Variants in MAN1C1 observed in about 807,000 individuals in gnomAD.
MAN1C1 encodes the protein mannosidase alpha class 1C member 1, also known as mannosyl-oligosaccharide 1,2-alpha-mannosidase IC.
In MAN1C1, 49 loss-of-function variants were observed where a neutral mutation model predicts 71.5. That is an observed-to-expected ratio of 0.69 (90% CI 0.54 to 0.87). The LOEUF (loss-of-function observed/expected upper bound fraction) is 0.87, where lower values mean the gene tolerates loss of function less well. Ranked by LOEUF, MAN1C1 falls within the 40% of genes least tolerant of loss-of-function variation. The probability of loss-of-function intolerance (pLI) is 0.00; values close to 1 mark genes in which losing one functional copy is unlikely to be tolerated. For synonymous variants in MAN1C1, 352 were observed against 343.7 expected (o/e 1.02, Z -0.27); for missense variants, 743 against 835.0 (o/e 0.89, Z 1.36).
At chr1:25,677,214 A>C (rs1325279865) in intron 1 of MAN1C1, among the ~76,000 whole-genome samples, 1 of 152,154 alleles carries the variant, frequency 6.6e-6, no homozygotes, top group East Asian at 1.9e-4. Flanking sequence ...AACTGAAGAG[A>C]TTTCTTGGGA....
chr1:25,638,281 A>C (rs759313391), intron 1 of MAN1C1, among the ~76,000 whole-genome samples: 1 of 152,182 alleles, frequency 6.6e-6, no homozygotes, highest in Non-Finnish European at 1.5e-5. Flanking sequence ...TTTCATGTAT[A>C]ATGTAAGCCC....
intron 1 of MAN1C1, among the ~76,000 whole-genome samples, chr1:25,678,926 C>G (rs2046106356): frequency 6.6e-6 from 1 of 152,022 alleles, no homozygotes; most frequent in Non-Finnish European, 1.5e-5. Context: ...TTCTCTTTTT[C>G]TGCTTTTCTT....
chr1:25,668,908 G>T (rs2982312), intron 1 of MAN1C1, among the ~76,000 whole-genome samples: 2 of 151,970 alleles, frequency 1.3e-5, no homozygotes, highest in Admixed American at 6.6e-5. Context: ...AAACCTGATG[G>T]TTTCCTCCTT....
chr1:25,777,381 C>T lies in MAN1C1; in HGVS notation c.1258-724C>T, dbSNP rs190539356. ...GAGCAGTCTGACCCCCTCACGCCCC[C>T]GACATCCCAGAGTCTTTACAACAGC... On this transcript the variant is annotated intron_variant, in intron 8 of 11. Coordinates refer to ENST00000374332, the MANE Select transcript of MAN1C1 (RefSeq NM_020379.4). Among the ~76,000 whole-genome samples, 6 of 152,230 alleles carry T rather than the reference C, an allele frequency of 3.9e-5. No individual in the cohort carries two copies. In the East Asian group the frequency reaches 5.8e-4, roughly 15 times the overall value.
intron 1 of MAN1C1, among the ~76,000 whole-genome samples, chr1:25,672,590 G>T (rs2046007437): frequency 6.6e-6 from 1 of 152,076 alleles, no homozygotes; most frequent in Non-Finnish European, 1.5e-5. Context: ...CTGCCTCTCT[G>T]TCCTACTTAT....
At chr1:25,618,648 C>T (rs972012906) in intron 1 of MAN1C1, among the ~76,000 whole-genome samples, 10 of 151,974 alleles carry the variant, frequency 6.6e-5, no homozygotes, top group African/African-American at 2.2e-4. Context: ...GCCCAGTGAG[C>T]TCCACTCCTT....
chr1:25,702,428 G>T (rs1050266507), intron 2 of MAN1C1, among the ~76,000 whole-genome samples: 34 of 152,226 alleles, frequency 2.2e-4, no homozygotes, highest in African/African-American at 7.7e-4. Context: ...GGTCGGGGCT[G>T]CAGCTCTTCC....
chr1:25,627,463 C>T (rs551479631), intron 1 of MAN1C1, among the ~76,000 whole-genome samples: 6 of 152,126 alleles, frequency 3.9e-5, no homozygotes, highest in East Asian at 1.9e-4. Context: ...TTAGTAGAGA[C>T]GGGGTTTTGC....
intron 1 of MAN1C1, among the ~76,000 whole-genome samples, chr1:25,624,998 ATTTTTTTTTT>A (rs1032269792): frequency 2.0e-5 from 2 of 101,590 alleles, no homozygotes; most frequent in African/African-American, 4.5e-5. Context: ...AAATGCACAG[ATTTTTTTTTT>A]TTTTTTTTTT....
At position 25,776,278 on chromosome 1, in the gene MAN1C1, T is replaced by C. The variant is rs1174371422; in HGVS notation, c.1258-1827T>C. Among the ~76,000 whole-genome samples, 1 of 152,132 alleles carries C rather than the reference T, an allele frequency of 6.6e-6. No homozygotes were observed. The highest frequency in any genetic ancestry group is 1.5e-5 in the Non-Finnish European group (1 of 68,010). On this transcript the variant is annotated intron_variant, in intron 8 of 11. Transcript: ENST00000374332. The surrounding 1 kb of genome is among the most constrained non-coding windows in gnomAD (Gnocchi z 4.3). ...ACAAATTGTACCTCTCAGCCAGTTGTGGTGGCTCACGCCTGTAATCCCAAC... is the reference window on the plus strand; with the variant it reads ...ACAAATTGTACCTCTCAGCCAGTTGCGGTGGCTCACGCCTGTAATCCCAAC...
chr1:25,690,049 G>C (rs970987656), intron 2 of MAN1C1, among the ~76,000 whole-genome samples: 1 of 152,180 alleles, frequency 6.6e-6, no homozygotes, highest in Admixed American at 6.5e-5. Flanking sequence ...CCCCCTCCCA[G>C]TCGCCCACTT....
At position 25,778,082 on chromosome 1, in the gene MAN1C1, C is replaced by A; in HGVS notation, c.1258-23C>A. The A allele has an allele frequency of 6.6e-7, 1 of 1,523,270 alleles. No individual in the cohort carries two copies. The highest frequency in any genetic ancestry group is 2.3e-5 in the East Asian group (1 of 43,722). 94.4% of individuals were successfully genotyped at this position (1,523,270 alleles called of 1,614,324 possible). ...TGCCCTCCCACGCCCCTTCTCCCTG[C>A]CCAATCCCCACCTTGCTCCCAGGCG... On this transcript the variant is annotated intron_variant, in intron 8 of 11. Transcript: ENST00000374332. This position sits in a 1 kb window ranked among gnomAD's most constrained non-coding sequence, Gnocchi z 5.5.
At position 25,711,324 on chromosome 1, in the gene MAN1C1, A is replaced by G. The variant is rs547206498; in HGVS notation, c.637+24788A>G. 4.6e-5 allele frequency among the ~76,000 whole-genome samples: 7 copies of G among 152,352 alleles called. 1 individual carries two copies. The South Asian group carries it at 1.2e-3, about 27-fold the overall frequency. ...ACCGCTAAGTCTCATGGCCAAAGTCAGGGCTACAGGGAGAAGTAGGACACC... is the reference window on the plus strand; with the variant it reads ...ACCGCTAAGTCTCATGGCCAAAGTCGGGGCTACAGGGAGAAGTAGGACACC... On this transcript the variant is annotated intron_variant, in intron 2 of 11. Transcript: ENST00000374332. The surrounding 1 kb of genome is among the most constrained non-coding windows in gnomAD (Gnocchi z 4.3).
At chr1:25,628,531 C>T (rs1014402373) in intron 1 of MAN1C1, among the ~76,000 whole-genome samples, 1 of 152,200 alleles carries the variant, frequency 6.6e-6, no homozygotes, top group Non-Finnish European at 1.5e-5. Flanking sequence ...TGCTCTCGAA[C>T]TCCTGACCTC....
At chr1:25,705,205 GT>G (rs2046504300) in intron 2 of MAN1C1, among the ~76,000 whole-genome samples, 1 of 152,130 alleles carries the variant, frequency 6.6e-6, no homozygotes, top group Admixed American at 6.5e-5. Flanking sequence ...TTCCACTACC[GT>G]GTATCCCTGC....
At chr1:25,706,268 C>T (rs2046520723) in intron 2 of MAN1C1, among the ~76,000 whole-genome samples, 1 of 152,216 alleles carries the variant, frequency 6.6e-6, no homozygotes, top group South Asian at 2.1e-4. Flanking sequence ...AAGGAAGAAT[C>T]GGCAGTGTTT....
In MAN1C1 at chr1:25,778,113, G is replaced by A. The variant is rs748199408; in HGVS notation, c.1266G>A (p.Glu422=). 1 of 1,561,348 alleles carries A rather than the reference G, an allele frequency of 6.4e-7. No homozygotes were observed. ...CCCCACCTTGCTCCCAGGCGATAGA[G>A]ACCTACTTGCTGAATGTCTCTCCCG... ...NMYYEALEAI[E]TYLLNVSPGG... The change falls in exon 9 of 12, where the codon GAG becomes GAA. Residue 422 remains glutamate, a synonymous_variant. Coordinates refer to ENST00000374332, the MANE Select transcript of MAN1C1 (RefSeq NM_020379.4). The surrounding 1 kb of genome is among the most constrained non-coding windows in gnomAD (Gnocchi z 5.5).
At chr1:25,738,483 C>G (rs1033942583) in intron 2 of MAN1C1, among the ~76,000 whole-genome samples, 1 of 152,176 alleles carries the variant, frequency 6.6e-6, no homozygotes, top group African/African-American at 2.4e-5. Context: ...GCAAATTACT[C>G]CAAAACTTGG....
chr1:25,641,957 C>T (rs1440679312), intron 1 of MAN1C1, among the ~76,000 whole-genome samples: 1 of 152,164 alleles, frequency 6.6e-6, no homozygotes, highest in Non-Finnish European at 1.5e-5. Context: ...AAGACAAAGA[C>T]GAGTCTCTGG....
Sources: gnomAD v4.1 joint callset for allele counts (sites outside exome capture counted in the v4.1 genomes callset) on GRCh38, gnomAD v4.1.1 for gene constraint, Gnocchi (gnomAD v3.1) non-coding constraint, MANE v1.5 for transcripts, NCBI Gene and HGNC (gene_info 2026-07-23, HGNC 2026-07-21) for gene names.